Variants in PKD1L1 observed in about 807,000 individuals in gnomAD.
The protein encoded by PKD1L1 is polycystin 1 like 1, transient receptor potential channel interacting.
In PKD1L1, 236 loss-of-function variants were observed where a neutral mutation model predicts 323.4. The observed-to-expected ratio is 0.73, with a 90% CI of 0.66 to 0.81. The LOEUF (loss-of-function observed/expected upper bound fraction) is 0.81. Ranked by LOEUF, PKD1L1 falls within the 40% of genes least tolerant of loss-of-function variation. PKD1L1 has a pLI of 0.00. For synonymous variants in PKD1L1, 1,344 were observed against 1,335.0 expected, an observed-to-expected ratio of 1.01 and a Z score of -0.15; for missense variants, 3,320 against 3,508.0, an observed-to-expected ratio of 0.95 and a Z score of 1.35.
chr7:47,871,256 T>C (rs376839169), intron 24 of PKD1L1, among the ~76,000 whole-genome samples: 9 of 141,106 alleles, frequency 6.4e-5, no homozygotes, highest in African/African-American at 2.1e-4. Flanking sequence ...TGTATCTTAG[T>C]TTGTGCTATT....
intron 13 of PKD1L1, among the ~76,000 whole-genome samples, chr7:47,899,690 C>T (rs536213206): frequency 5.9e-5 from 9 of 152,052 alleles, no homozygotes; most frequent in Admixed American, 2.0e-4. Context: ...GGCACGGTGA[C>T]GCAAGCCTGT....
intron 8 of PKD1L1, 87 bp from the exon 9 acceptor site, chr7:47,908,337 G>A (rs1787252171): frequency 4.0e-6 from 5 of 1,247,814 alleles, no homozygotes; most frequent in Non-Finnish European, 3.4e-6. Flanking sequence ...AAAATGGGGT[G>A]ATTAATATGG....
intron 13 of PKD1L1, among the ~76,000 whole-genome samples, chr7:47,899,071 T>A (rs113263156): frequency 0.041 from 6,278 of 152,270 alleles, 298 homozygotes; most frequent in African/African-American, 0.12. Context: ...GTGACCAATA[T>A]GTTACTTGTG....
At chr7:47,824,100 C>T (rs1312900787) in intron 45 of PKD1L1, among the ~76,000 whole-genome samples, 1 of 152,192 alleles carries the variant, frequency 6.6e-6, no homozygotes, top group African/African-American at 2.4e-5. Context: ...TCATCTTGTA[C>T]ATTTTCCATC....
rs1380920655 is a variant in PKD1L1, at chr7:47,876,083, G to T, written c.3784+14C>A. On this transcript the variant is annotated intron_variant, in intron 23 of 56. Transcript: ENST00000289672. Reference sequence around the variant, plus strand: ...TTGGCACAGCTAGTGACTCCAACTGGCACCATAGCTTACCTTTGTAATTGT... The same window carrying T: ...TTGGCACAGCTAGTGACTCCAACTGTCACCATAGCTTACCTTTGTAATTGT... 1 of 1,613,150 alleles carries T rather than the reference G, an allele frequency of 6.2e-7. No individual in the cohort carries two copies. Among genetic ancestry groups the T allele is most frequent in the Admixed American group, 1.7e-5 (1 of 59,986 alleles).
intron 2 of PKD1L1, among the ~76,000 whole-genome samples, chr7:47,942,492 T>A (rs867600612): frequency 3.4e-4 from 46 of 135,484 alleles, no homozygotes; most frequent in East Asian, 1.2e-3. Flanking sequence ...ATTAAAAAAA[T>A]TTTTTTAAAT....
chr7:47,879,381 A>G (rs113072546), intron 21 of PKD1L1, among the ~76,000 whole-genome samples: 54,484 of 151,686 alleles, frequency 0.36, 11,034 homozygotes, highest in African/African-American at 0.55. Flanking sequence ...CAATCTCAGC[A>G]CTTGTGGAGG....
chr7:47,820,942 T>A lies in PKD1L1; in HGVS notation c.6965+134A>T, dbSNP rs1054092514. ...CCAAAGTCTGTGAATGGAAGGGGGT[T>A]TTATTACTACCAGGGAAATGGTGAC... On this transcript the variant is annotated intron_variant, in intron 46 of 56. Coordinates refer to ENST00000289672, the MANE Select transcript of PKD1L1 (RefSeq NM_138295.5). 8.5e-6 allele frequency: 5 copies of A among 588,348 alleles called. No homozygotes were observed. The African/African-American group carries it at 9.3e-5, about 11-fold the overall frequency. 36.4% of individuals were successfully genotyped at this position (588,348 alleles called of 1,614,324 possible).
chr7:47,820,970 T>C (rs1275392176), intron 46 of PKD1L1, 106 bp downstream of exon 46: 10 of 661,374 alleles, frequency 1.5e-5, no homozygotes, highest in Middle Eastern at 2.5e-4. Flanking sequence ...ATGGTGACAA[T>C]CTTTCCAGTA....
chr7:47,904,670 G>A, intron 11 of PKD1L1, 53 bp from the exon 12 acceptor site: 1 of 1,574,748 alleles, frequency 6.4e-7, no homozygotes, highest in South Asian at 1.2e-5. Context: ...ACAAGAACAG[G>A]GTCAGGTCTA....
intron 33 of PKD1L1, among the ~76,000 whole-genome samples, chr7:47,844,007 C>T (rs1785614737): frequency 6.6e-6 from 1 of 152,100 alleles, no homozygotes; most frequent in Non-Finnish European, 1.5e-5. Context: ...CACATCCTTC[C>T]ACCTGGACAA....
At chr7:47,890,895 C>G (rs552795565) in intron 15 of PKD1L1, 132 bp from the exon 16 acceptor site, 1 of 772,676 alleles carries the variant, frequency 1.3e-6, no homozygotes, top group Non-Finnish European at 2.1e-6. Context: ...ATATTGCTTC[C>G]CACATTTTCT....
At chr7:47,830,350 G>C (rs565551706) in intron 42 of PKD1L1, among the ~76,000 whole-genome samples, 1 of 152,246 alleles carries the variant, frequency 6.6e-6, no homozygotes, top group Admixed American at 6.5e-5. Context: ...TGCCTAGTGG[G>C]AAAGAGAAAG....
intron 39 of PKD1L1, among the ~76,000 whole-genome samples, chr7:47,834,707 C>A (rs552406597): frequency 6.6e-6 from 1 of 152,080 alleles, no homozygotes; most frequent in Non-Finnish European, 1.5e-5. Flanking sequence ...CTGACAAAGA[C>A]CTACTTTACT....
rs1213897032 is a variant in PKD1L1, at chr7:47,811,978, C to T, written c.7420G>A (p.Val2474Met). Residue 2474 changes from valine (V) to methionine (M), a missense_variant, in exon 50 of 57, where the codon GTG becomes ATG. Physicochemically the swap from Val to Met is conservative, Grantham distance 21. Coordinates refer to ENST00000289672, the MANE Select transcript of PKD1L1 (RefSeq NM_138295.5). The part of the protein sequence containing the change: ...WIDRSTRAVS[V>M]HFTLYNPPTQ... ...GGAGGGTTATAGAGAGTGAAGTGCA[C>T]AGACACAGCCCTGGTGCTGCGGTCA... 6.3e-7 allele frequency: 1 copy of T among 1,596,932 alleles called. No individual in the cohort carries two copies. Among genetic ancestry groups the T allele is most frequent in the African/African-American group, 1.3e-5 (1 of 74,678 alleles).
Position 47,840,551 on chromosome 7 carries a change from C to A in PKD1L1, c.5462G>T (p.Cys1821Phe). The A allele has an allele frequency of 6.2e-7, 1 of 1,613,900 alleles. No individual in the cohort carries two copies. The highest frequency in any genetic ancestry group is 1.7e-4 in the Middle Eastern group (1 of 6,060). The change falls in exon 35 of 57, where the codon TGT becomes TTT. Residue 1821 changes from cysteine to phenylalanine, a missense_variant. By Grantham distance (205) the Cys-to-Phe change is radical. Coordinates refer to ENST00000289672, the MANE Select transcript of PKD1L1 (RefSeq NM_138295.5). The surrounding 1 kb of genome is among the most constrained non-coding windows in gnomAD (Gnocchi z 4.1). ...RLTSKVYIVLCGDNGLSETKE... is the reference protein window; with the variant it reads ...RLTSKVYIVLFGDNGLSETKE... Reference sequence around the variant, plus strand: ...GGTTTCTGACAGTCCATTGTCGCCACATAAAACAATGTACACCTCAAAACA... The same window carrying A: ...GGTTTCTGACAGTCCATTGTCGCCAAATAAAACAATGTACACCTCAAAACA...
chr7:47,894,799 A>T (rs1318221144), intron 14 of PKD1L1, among the ~76,000 whole-genome samples: 3 of 151,054 alleles, frequency 2.0e-5, no homozygotes, highest in African/African-American at 2.4e-5. Flanking sequence ...GGGAGGTTGC[A>T]GTGAGCTGAG....
chr7:47,794,942 A>G (rs1052703894), intron 55 of PKD1L1, among the ~76,000 whole-genome samples: 1 of 152,132 alleles, frequency 6.6e-6, no homozygotes, highest in Non-Finnish European at 1.5e-5. Flanking sequence ...GAACAGTTGT[A>G]TTTACCCAAT....
chr7:47,922,725 G>A (rs918682110), intron 7 of PKD1L1, among the ~76,000 whole-genome samples: 2 of 136,058 alleles, frequency 1.5e-5, no homozygotes, highest in African/African-American at 7.5e-5. Context: ...CAGCCGCCCC[G>A]TCCGGCCAGC....
Sources: allele counts gnomAD v4.1 joint callset (sites outside exome capture counted in the v4.1 genomes callset), GRCh38; gene constraint gnomAD v4.1.1; non-coding constraint Gnocchi (gnomAD v3.1); transcripts MANE v1.5; gene names NCBI Gene and HGNC (gene_info 2026-07-23, HGNC 2026-07-21).